Variants in RAB28 observed in about 807,000 individuals in gnomAD.
RAB28 encodes the protein RAB28, member RAS oncogene family, also known as ras-related protein Rab-28.
A neutral mutation model predicts 31.7 loss-of-function variants in RAB28; 24 were observed. The observed-to-expected ratio is 0.76, with a 90% CI of 0.55 to 1.06. RAB28 has a LOEUF of 1.06. Ranked by LOEUF, RAB28 falls within the 50% of genes least tolerant of loss-of-function variation. The probability of loss-of-function intolerance (pLI) is 0.00; values close to 1 mark genes in which losing one functional copy is unlikely to be tolerated. For missense variants in RAB28, 254 were observed against 258.5 expected (o/e 0.98, Z 0.12); for synonymous variants, 100 against 90.4 (o/e 1.11, Z -0.60).
chr4:13,475,587 T>A (rs1047487604), intron 2 of RAB28, among the ~76,000 whole-genome samples: 3 of 151,546 alleles, frequency 2.0e-5, no homozygotes, highest in African/African-American at 4.8e-5. Flanking sequence ...TGTATTACAA[T>A]CTTTCCATTA....
intron 4 of RAB28, chr4:13,459,930 A>C: frequency 7.8e-7 from 1 of 1,287,828 alleles, no homozygotes; most frequent in Non-Finnish European, 1.0e-6. Flanking sequence ...CCTAGACCAC[A>C]GGAAGCCAAA....
intron 4 of RAB28, among the ~76,000 whole-genome samples, chr4:13,453,951 T>G (rs1271293780): frequency 1.3e-5 from 2 of 152,182 alleles, no homozygotes; most frequent in African/African-American, 4.8e-5. Context: ...TTCTGGAACT[T>G]CCATAATATA....
intron 2 of RAB28, 79 bp from the exon 3 acceptor site, chr4:13,474,485 A>C: frequency 1.2e-6 from 1 of 811,038 alleles, no homozygotes; most frequent in Non-Finnish European, 1.9e-6. Context: ...ACAGTATCAC[A>C]GAATACTAAG....
Position 13,479,486 on chromosome 4 carries a change from T to C in RAB28, c.116A>G (p.Lys39Arg), listed in dbSNP as rs1399153359. The C allele has an allele frequency of 1.9e-6, 3 of 1,609,564 alleles. No homozygotes were observed. The South Asian group carries it at 3.3e-5, about 18-fold the overall frequency. ...CAGTCCTATAGTTTGTTTGTACTGT[T>C]TCCCAAAAGTTTCTTGAGCAAAACA... Reference protein sequence around the residue: ...TTCFAQETFGKQYKQTIGLDF... With the variant: ...TTCFAQETFGRQYKQTIGLDF... Residue 39 changes from lysine (K) to arginine (R), a missense_variant, in exon 2 of 7, where the codon AAA becomes AGA. Transcript: ENST00000330852.
At chr4:13,448,005 C>T (rs1448383629) in intron 4 of RAB28, among the ~76,000 whole-genome samples, 1 of 152,050 alleles carries the variant, frequency 6.6e-6, no homozygotes, top group Non-Finnish European at 1.5e-5. Flanking sequence ...CACTAGTATC[C>T]TCTCATTTTA....
chr4:13,418,816 C>T (rs780491001), intron 4 of RAB28, among the ~76,000 whole-genome samples: 2 of 152,068 alleles, frequency 1.3e-5, no homozygotes, highest in Non-Finnish European at 2.9e-5. Context: ...TTGTAAAGAC[C>T]GTCAATGCTA....
chr4:13,449,820 CACTA>C (rs1714871745), intron 4 of RAB28, among the ~76,000 whole-genome samples: 2 of 151,862 alleles, frequency 1.3e-5, no homozygotes, highest in African/African-American at 4.8e-5. Context: ...ACCACCCCTC[CACTA>C]ACTAAGAAGC....
At chr4:13,439,686 T>C (rs1231952336) in intron 4 of RAB28, among the ~76,000 whole-genome samples, 1 of 152,234 alleles carries the variant, frequency 6.6e-6, no homozygotes, top group African/African-American at 2.4e-5. Flanking sequence ...AAGATTTTTA[T>C]GGTGTTAGCT....
intron 4 of RAB28, among the ~76,000 whole-genome samples, chr4:13,402,308 C>T (rs1711813089): frequency 6.6e-6 from 1 of 152,184 alleles, no homozygotes; most frequent in Non-Finnish European, 1.5e-5. Context: ...CTACTTGTTA[C>T]ACCAGTTATT....
intron 3 of RAB28, among the ~76,000 whole-genome samples, chr4:13,469,137 A>G (rs1286011038): frequency 1.3e-5 from 2 of 152,026 alleles, no homozygotes; most frequent in Non-Finnish European, 2.9e-5. Context: ...AACTCTTCTG[A>G]TCCCTTCCAG....
intron 6 of RAB28, among the ~76,000 whole-genome samples, chr4:13,372,574 G>T (rs1341067642): frequency 6.6e-6 from 1 of 152,042 alleles, no homozygotes; most frequent in African/African-American, 2.4e-5. Context: ...AATCCATTAA[G>T]CAACGTTCAA....
At chr4:13,411,959 T>G (rs1712463161) in intron 4 of RAB28, among the ~76,000 whole-genome samples, 1 of 151,560 alleles carries the variant, frequency 6.6e-6, no homozygotes, top group Non-Finnish European at 1.5e-5. Context: ...AAAATGATTC[T>G]AAAATGTTTT....
intron 1 of RAB28, among the ~76,000 whole-genome samples, chr4:13,480,847 T>C (rs550475720): frequency 1.1e-4 from 16 of 152,054 alleles, no homozygotes; most frequent in Non-Finnish European, 1.8e-4. Flanking sequence ...ATTGAAAAGA[T>C]AGGTATTTCT....
intron 6 of RAB28, among the ~76,000 whole-genome samples, chr4:13,374,709 C>T (rs746357202): frequency 6.6e-6 from 1 of 152,116 alleles, no homozygotes; most frequent in Non-Finnish European, 1.5e-5. Flanking sequence ...ATCCATCCAA[C>T]CTTTCCATTC....
At chr4:13,474,159 T>C in intron 3 of RAB28, 159 bp downstream of exon 3, 1 of 751,396 alleles carries the variant, frequency 1.3e-6, no homozygotes, top group Non-Finnish European at 2.4e-6. Context: ...TAGGAGAGCA[T>C]GAAACCAAAG....
At chr4:13,475,551 C>G (rs1716321928) in intron 2 of RAB28, among the ~76,000 whole-genome samples, 1 of 151,526 alleles carries the variant, frequency 6.6e-6, no homozygotes, top group Non-Finnish European at 1.5e-5. Flanking sequence ...GATTAACCAG[C>G]ACAGTTTTCT....
intron 4 of RAB28, among the ~76,000 whole-genome samples, chr4:13,422,826 CA>C (rs1460495941): frequency 1.3e-5 from 2 of 151,214 alleles, no homozygotes; most frequent in Non-Finnish European, 2.9e-5. Context: ...TGCAGCAAAC[CA>C]ACATGGCACA....
chr4:13,390,401 C>A (rs1176874868), intron 4 of RAB28, among the ~76,000 whole-genome samples: 1 of 151,918 alleles, frequency 6.6e-6, no homozygotes, highest in African/African-American at 2.4e-5. Context: ...AACCACTGCT[C>A]AAGGAAATAA....
chr4:13,422,020 T>C (rs772910604), intron 4 of RAB28, among the ~76,000 whole-genome samples: 2 of 151,156 alleles, frequency 1.3e-5, no homozygotes, highest in Non-Finnish European at 2.9e-5. Flanking sequence ...AAGGCTAATA[T>C]CTAGAATCTA....
Sources: allele counts gnomAD v4.1 joint callset (sites outside exome capture counted in the v4.1 genomes callset), GRCh38; gene constraint gnomAD v4.1.1; transcripts MANE v1.5; gene names NCBI Gene and HGNC (gene_info 2026-07-23, HGNC 2026-07-21).